The following GLIS3 variants were observed in gnomAD, a reference collection of about 807,000 sequenced individuals.
GLIS3 encodes the protein GLIS family zinc finger 3.
In GLIS3, 53 loss-of-function variants were observed where a neutral mutation model predicts 78.6. That is an observed-to-expected ratio of 0.67 (90% CI 0.54 to 0.85). The LOEUF is 0.85. Among genes scored for constraint, GLIS3 ranks in the 40% least tolerant of loss-of-function variants. GLIS3 has a pLI of 0.00. For missense variants in GLIS3, 1,703 were observed against 1,231.1 expected (o/e 1.38, Z -5.74); for synonymous variants, 684 against 509.9 (o/e 1.34, Z -4.60).
chr9:3,873,248 G>T (rs966200289), intron 8 of GLIS3, among the ~76,000 whole-genome samples: 1 of 152,126 alleles, frequency 6.6e-6, no homozygotes, highest in African/African-American at 2.4e-5. Context: ...GCATCACCCT[G>T]ATACCCAAAC....
At chr9:4,247,666 A>T (rs992364916) in intron 2 of GLIS3, among the ~76,000 whole-genome samples, 1 of 152,190 alleles carries the variant, frequency 6.6e-6, no homozygotes, top group African/African-American at 2.4e-5. Context: ...ATAAAAAAAC[A>T]AATATTTAAA....
chr9:4,376,293 G>A, the GLIS3 span, among the ~76,000 whole-genome samples: 4 of 152,264 alleles, frequency 2.6e-5, no homozygotes, highest in Non-Finnish European at 4.4e-5. Flanking sequence ...ATCTTTTCAG[G>A]TGTCAAGAAT....
chr9:4,158,288 T>A lies in GLIS3; in HGVS notation c.389-32347A>T, dbSNP rs533377268. 3.3e-5 allele frequency among the ~76,000 whole-genome samples: 5 copies of A among 152,288 alleles called. No homozygotes were observed. The South Asian group carries it at 1.0e-3, about 32-fold the overall frequency. The stretch of plus-strand genomic sequence containing the variant: ...AACTTTCTGTAGCATGAAAGAGACG[T>A]TTTCAGTAAACACATGTTTGCCATA... On this transcript the variant is annotated intron_variant, in intron 2 of 10. Transcript: ENST00000381971.
At chr9:4,068,496 A>G (rs1043590525) in intron 4 of GLIS3, among the ~76,000 whole-genome samples, 2 of 152,224 alleles carry the variant, frequency 1.3e-5, no homozygotes, top group African/African-American at 4.8e-5. Context: ...GATGTTTTTT[A>G]AAATGTGTTT....
Position 4,117,987 on chromosome 9 carries a change from C to T in GLIS3, c.1491G>A (p.Gly497=), listed in dbSNP as rs781420927. ...CGATCCAGCGGCAGCAATGCTTGCC[C>T]CCGATGCCGTCCATCTCCCCGTCGT... ...LDDDGEMDGI[G]GKHCCRWIDC... is the part of the protein sequence containing the mutation. Residue 497 remains glycine (G), a synonymous_variant, in exon 4 of 11, where the codon GGG becomes GGA. Coordinates refer to ENST00000381971, the MANE Select transcript of GLIS3 (RefSeq NM_001042413.2). 2.6e-5 allele frequency: 42 copies of T among 1,611,842 alleles called. No homozygotes were observed. The highest frequency in any genetic ancestry group is 3.2e-5 in the Non-Finnish European group (38 of 1,179,248).
intron 4 of GLIS3, among the ~76,000 whole-genome samples, chr9:3,980,408 A>G (rs953278686): frequency 2.3e-4 from 35 of 152,306 alleles, no homozygotes; most frequent in African/African-American, 8.2e-4. Context: ...TCCAGAGTCC[A>G]TATCTCTCTC....
At chr9:3,836,769 C>T (rs1818377948) in intron 9 of GLIS3, among the ~76,000 whole-genome samples, 1 of 152,162 alleles carries the variant, frequency 6.6e-6, no homozygotes, top group South Asian at 2.1e-4. Context: ...CTGTTTCCCC[C>T]AAATACTAGT....
chr9:4,338,034 G>GTA (rs1374002596), intron 2 of GLIS3, among the ~76,000 whole-genome samples: 3 of 66,872 alleles, frequency 4.5e-5, no homozygotes, highest in African/African-American at 1.3e-4. Flanking sequence ...CTGTGTGTGT[G>GTA]TGTGTGTGTG....
intron 4 of GLIS3, among the ~76,000 whole-genome samples, chr9:4,045,405 G>A (rs776388943): frequency 1.3e-4 from 20 of 151,782 alleles, no homozygotes; most frequent in East Asian, 3.9e-4. Flanking sequence ...GTGCGATCTC[G>A]GCTCACTGCA....
intron 2 of GLIS3, among the ~76,000 whole-genome samples, chr9:4,145,984 G>A (rs1280199681): frequency 1.3e-5 from 2 of 152,160 alleles, no homozygotes; most frequent in Non-Finnish European, 2.9e-5. Context: ...ATGGACAATT[G>A]AGACAAAGCA....
intron 4 of GLIS3, among the ~76,000 whole-genome samples, chr9:3,948,295 T>C (rs1816434070): frequency 6.6e-6 from 1 of 152,338 alleles, no homozygotes; most frequent in Non-Finnish European, 1.5e-5. Context: ...AACTACTCTA[T>C]CCCATTTCTG....
intron 9 of GLIS3, among the ~76,000 whole-genome samples, chr9:3,846,034 A>T (rs1375433046): frequency 6.6e-6 from 1 of 152,234 alleles, no homozygotes; most frequent in African/African-American, 2.4e-5. Flanking sequence ...CAAGGGCATG[A>T]CAGGCATTCA....
chr9:4,158,544 C>T lies in GLIS3; in HGVS notation c.389-32603G>A, dbSNP rs575802503. The stretch of plus-strand genomic sequence containing the variant: ...GCTCACATGTCTTTTAAGATGTCCC[C>T]GATATGCTGAGATACAGAAGTTGTC... On this transcript the variant is annotated intron_variant, in intron 2 of 10. Transcript: ENST00000381971. Among the ~76,000 whole-genome samples the T allele has an allele frequency of 8.5e-5, 13 of 152,244 alleles. No individual in the cohort carries two copies. In the South Asian group the frequency reaches 2.3e-3, roughly 27 times the overall value.
At chr9:4,284,071 T>A (rs972568576) in intron 2 of GLIS3, among the ~76,000 whole-genome samples, 1 of 152,194 alleles carries the variant, frequency 6.6e-6, no homozygotes, top group African/African-American at 2.4e-5. Flanking sequence ...TAAGAAAACA[T>A]GGCTTTAATT....
chr9:3,890,294 A>T (rs528045311), intron 7 of GLIS3, among the ~76,000 whole-genome samples: 65 of 152,302 alleles, frequency 4.3e-4, no homozygotes, highest in African/African-American at 1.5e-3. Context: ...TCTAATTTGC[A>T]GATCAGAAAA....
chr9:4,241,552 T>C (rs1416213923), intron 2 of GLIS3, among the ~76,000 whole-genome samples: 2 of 152,240 alleles, frequency 1.3e-5, no homozygotes, highest in Non-Finnish European at 2.9e-5. Flanking sequence ...TCGATCTTTA[T>C]AAATTATATA....
intron 9 of GLIS3, among the ~76,000 whole-genome samples, chr9:3,854,597 C>T (rs796956273): frequency 2.0e-5 from 3 of 151,324 alleles, no homozygotes; most frequent in South Asian, 4.2e-4. Flanking sequence ...AGTACAGTGA[C>T]GCGATCTTGG....
intron 6 of GLIS3, among the ~76,000 whole-genome samples, chr9:3,907,112 A>G (rs557713774): frequency 6.6e-6 from 1 of 152,312 alleles, no homozygotes; most frequent in Non-Finnish European, 1.5e-5. Flanking sequence ...CTCAGGGTAC[A>G]AGAAGAACTG....
intron 6 of GLIS3, among the ~76,000 whole-genome samples, chr9:3,922,101 A>G (rs1824929871): frequency 1.3e-5 from 2 of 152,250 alleles, no homozygotes; most frequent in Non-Finnish European, 2.9e-5. Flanking sequence ...ACTAAGATCT[A>G]TATACTAGCA....
Sources: gnomAD v4.1 joint callset for allele counts (sites outside exome capture counted in the v4.1 genomes callset) on GRCh38, gnomAD v4.1.1 for gene constraint, MANE v1.5 for transcripts, NCBI Gene and HGNC (gene_info 2026-07-23, HGNC 2026-07-21) for gene names.